ULK4: variants seen among roughly 807,000 people sequenced by gnomAD.
ULK4 encodes unc-51 like kinase 4.
In ULK4, 133 loss-of-function variants were observed where a neutral mutation model predicts 160.6. The ratio of observed to expected loss-of-function variants is 0.83; its 90% CI spans 0.72 to 0.96. ULK4 has a LOEUF of 0.96. Ranked by LOEUF, ULK4 falls within the 40% of genes least tolerant of loss-of-function variation. ULK4 has a pLI of 0.00. For missense variants in ULK4, 1,580 were observed against 1,499.5 expected (o/e 1.05, Z -0.89); for synonymous variants, 534 against 539.8 (o/e 0.99, Z 0.15).
intron 31 of ULK4, among the ~76,000 whole-genome samples, chr3:41,573,424 A>G (rs922603104): frequency 3.3e-5 from 5 of 152,228 alleles, no homozygotes; most frequent in Non-Finnish European, 7.3e-5. Flanking sequence ...CCACTGAAAG[A>G]CTTCAGATGT....
At chr3:41,800,852 T>C (rs1397308275) in intron 19 of ULK4, among the ~76,000 whole-genome samples, 9 of 152,096 alleles carry the variant, frequency 5.9e-5, no homozygotes, top group Admixed American at 1.3e-4. Flanking sequence ...TGCTAAAAAG[T>C]TAGCCTCAAA....
At position 41,300,258 on chromosome 3, in the gene ULK4, T is replaced by G. The variant is rs1183668205; in HGVS notation, c.3679-50684A>C. On this transcript the variant is annotated intron_variant, in intron 35 of 36. Coordinates refer to ENST00000301831, the MANE Select transcript of ULK4 (RefSeq NM_017886.4). ...ATGAGGCTGGCATACAATTTGAAAC[T>G]GCAAAGAACTAACTAAGGAAGAGGT... 2.0e-5 allele frequency among the ~76,000 whole-genome samples: 3 copies of G among 152,350 alleles called. No homozygotes were observed. The East Asian group carries it at 5.8e-4, about 29-fold the overall frequency.
Position 41,650,651 on chromosome 3 carries a change from G to A in ULK4, c.3071+12956C>T, listed in dbSNP as rs144056455. On this transcript the variant is annotated intron_variant, in intron 30 of 36. Coordinates refer to ENST00000301831, the MANE Select transcript of ULK4 (RefSeq NM_017886.4). ...CCTGGCTGGCCTTTGGCAGGCATAG[G>A]ATCCAGGCTGATAACACAAGCCGAG... Among the ~76,000 whole-genome samples, 10 of 152,330 alleles carry A rather than the reference G, an allele frequency of 6.6e-5. No individual in the cohort carries two copies. In the East Asian group the frequency reaches 1.9e-3, roughly 29 times the overall value.
chr3:41,531,479 GGGAGAGGAGA>G (rs1436570868), intron 32 of ULK4, among the ~76,000 whole-genome samples: 1 of 61,012 alleles, frequency 1.6e-5, no homozygotes, highest in African/African-American at 8.4e-5. Context: ...GGGAGAGGAG[GGGAGAGGAGA>G]GGAGAGAAGA....
At chr3:41,390,527 C>T (rs532835507) in intron 35 of ULK4, among the ~76,000 whole-genome samples, 64 of 152,220 alleles carry the variant, frequency 4.2e-4, no homozygotes, top group African/African-American at 1.5e-3. Context: ...TCCCTCTACA[C>T]ACTGCTTTGA....
intron 21 of ULK4, among the ~76,000 whole-genome samples, chr3:41,781,557 A>G (rs1027267202): frequency 2.0e-5 from 3 of 152,372 alleles, no homozygotes; most frequent in Non-Finnish European, 4.4e-5. Context: ...TAAGGTAATT[A>G]CAAAATGATA....
chr3:41,906,305 G>A (rs535664404), intron 12 of ULK4, among the ~76,000 whole-genome samples: 15 of 150,740 alleles, frequency 1.0e-4, no homozygotes, highest in Admixed American at 6.0e-4. Context: ...CAGGAGCATC[G>A]CTTGAGCTCA....
At chr3:41,589,127 A>G (rs918359584) in intron 31 of ULK4, among the ~76,000 whole-genome samples, 2 of 152,198 alleles carry the variant, frequency 1.3e-5, no homozygotes, top group African/African-American at 4.8e-5. Flanking sequence ...ATTAAAAAAA[A>G]AAATAACTTA....
chr3:41,420,475 CTTTTTTTTTTTTTTT>C (rs1165381982), intron 34 of ULK4, among the ~76,000 whole-genome samples: 1 of 41,178 alleles, frequency 2.4e-5, no homozygotes. Context: ...CCAGTTCTTT[CTTTTTTTTTTTTTTT>C]TTTTTTTTTT....
In ULK4 at chr3:41,681,118, G is replaced by A. The variant is rs73828216; in HGVS notation, c.2978+390C>T. Among the ~76,000 whole-genome samples, 907 of 152,254 alleles carry A rather than the reference G, an allele frequency of 6.0e-3. 8 individuals are homozygous for A. The highest frequency in any genetic ancestry group is 0.021 in the African/African-American group (881 of 41,560). ...GTTCTATTCCAAGAGTTTGGAGAAG[G>A]GGATTACCTCTATCTCTATTATTTC... On this transcript the variant is annotated intron_variant, in intron 29 of 36. Coordinates refer to ENST00000301831, the MANE Select transcript of ULK4 (RefSeq NM_017886.4).
At chr3:41,283,843 A>T (rs1312385389) in intron 35 of ULK4, among the ~76,000 whole-genome samples, 2 of 32,690 alleles carry the variant, frequency 6.1e-5, no homozygotes, top group Non-Finnish European at 1.0e-4. Flanking sequence ...TAGAACTGAT[A>T]AAAAAAATTC....
intron 1 of ULK4, 50 bp from the exon 2 acceptor site, chr3:41,954,857 T>C: frequency 5.0e-6 from 6 of 1,211,724 alleles, no homozygotes; most frequent in African/African-American, 1.5e-5. Flanking sequence ...AGTTGCATAA[T>C]TAATTAGCCT....
intron 29 of ULK4, among the ~76,000 whole-genome samples, chr3:41,680,479 G>C (rs2035889388): frequency 1.3e-5 from 2 of 151,968 alleles, no homozygotes; most frequent in South Asian, 2.1e-4. Flanking sequence ...TTAGTAAAAG[G>C]TACCTTCCTC....
rs375780067 is a variant in ULK4 at position 41,854,999 on chromosome 3, A to G, written c.1657-19028T>C. 18 of 151,682 alleles carry G rather than the reference A, an allele frequency of 1.2e-4. No homozygotes were observed. In the East Asian group the frequency reaches 3.3e-3, roughly 28 times the overall value. 9.4% of individuals were successfully genotyped at this position (151,682 alleles called of 1,614,324 possible). On this transcript the variant is annotated intron_variant, in intron 17 of 36. Transcript: ENST00000301831. Reference sequence around the variant, plus strand: ...AACTATCGGGATCACAAGAGATAACAATGCATACGTCATCTCAGAGATATA... The same window carrying G: ...AACTATCGGGATCACAAGAGATAACGATGCATACGTCATCTCAGAGATATA...
Position 41,594,729 on chromosome 3 carries a change from A to G in ULK4, c.3120+20940T>C, listed in dbSNP as rs2031572502. ...GGTTTTAAGCTGAAGAGGAATATAT[A>G]ATTTCCATTTGTAAGAAAATCAAAT... On this transcript the variant is annotated intron_variant, in intron 31 of 36. Coordinates refer to ENST00000301831, the MANE Select transcript of ULK4 (RefSeq NM_017886.4). Among the ~76,000 whole-genome samples the G allele has an allele frequency of 2.0e-5, 3 of 152,270 alleles. No homozygotes were observed. The South Asian group carries it at 6.2e-4, about 32-fold the overall frequency.
intron 18 of ULK4, among the ~76,000 whole-genome samples, chr3:41,829,075 G>C (rs1447531493): frequency 6.6e-6 from 1 of 151,166 alleles, no homozygotes; most frequent in Non-Finnish European, 1.5e-5. Context: ...AATGGTGCTG[G>C]GAAAACTGGC....
At chr3:41,858,140 TTTG>T (rs1161180507) in intron 17 of ULK4, among the ~76,000 whole-genome samples, 17 of 90,226 alleles carry the variant, frequency 1.9e-4, no homozygotes, top group African/African-American at 1.1e-3. Context: ...TAGGGTTTTT[TTTG>T]TTTGTTTTTT....
chr3:41,358,673 C>G (rs2081073500), intron 35 of ULK4, among the ~76,000 whole-genome samples: 2 of 152,016 alleles, frequency 1.3e-5, no homozygotes, highest in South Asian at 4.2e-4. Context: ...CTGGAGTGAG[C>G]AGGAAGAAAA....
chr3:41,399,971 T>G (rs2082145416), intron 34 of ULK4, among the ~76,000 whole-genome samples: 1 of 152,180 alleles, frequency 6.6e-6, no homozygotes, highest in Non-Finnish European at 1.5e-5. Flanking sequence ...CGATGCATTT[T>G]GAGTTAATTT....
Sources: allele counts gnomAD v4.1 joint callset (sites outside exome capture counted in the v4.1 genomes callset), GRCh38; gene constraint gnomAD v4.1.1; transcripts MANE v1.5; gene names NCBI Gene and HGNC (gene_info 2026-07-23, HGNC 2026-07-21).